GABBR2: variants seen among roughly 807,000 people sequenced by gnomAD.
The protein encoded by GABBR2 is gamma-aminobutyric acid type B receptor subunit 2, also known as G-protein coupled receptor 51.
A neutral mutation model predicts 105.6 loss-of-function variants in GABBR2; 23 were observed. The observed-to-expected ratio is 0.22, with a 90% CI of 0.16 to 0.31. GABBR2 has a LOEUF of 0.31. Among genes scored for constraint, GABBR2 ranks in the 10% least tolerant of loss-of-function variants. The pLI is 1.00. For missense variants in GABBR2, 734 were observed against 1,245.5 expected, an observed-to-expected ratio of 0.59 and a Z score of 6.18; for synonymous variants, 478 against 499.7, an observed-to-expected ratio of 0.96 and a Z score of 0.58.
At chr9:98,391,564 A>G (rs1302061847) in intron 9 of GABBR2, among the ~76,000 whole-genome samples, 3 of 152,216 alleles carry the variant, frequency 2.0e-5, no homozygotes. Flanking sequence ...TGCTACAGAA[A>G]GGAGGTGACG....
chr9:98,330,845 G>A (rs76290385), intron 13 of GABBR2, among the ~76,000 whole-genome samples: 90 of 152,230 alleles, frequency 5.9e-4, no homozygotes, highest in African/African-American at 2.1e-3. Context: ...AATTAGCACG[G>A]CTATCTCATA....
intron 1 of GABBR2, among the ~76,000 whole-genome samples, chr9:98,672,556 C>CT (rs1830420070): frequency 1.3e-5 from 2 of 152,266 alleles, no homozygotes; most frequent in Non-Finnish European, 2.9e-5. Context: ...GCCAGATGGG[C>CT]ACAGCATTCT....
chr9:98,386,849 C>T (rs957427867), intron 10 of GABBR2, among the ~76,000 whole-genome samples: 1 of 152,200 alleles, frequency 6.6e-6, no homozygotes, highest in African/African-American at 2.4e-5. Flanking sequence ...CTGTGAACTG[C>T]ACCCCGGCTT....
chr9:98,645,307 C>T (rs12380088), intron 1 of GABBR2, among the ~76,000 whole-genome samples: 2 of 152,150 alleles, frequency 1.3e-5, no homozygotes, highest in African/African-American at 4.8e-5. Context: ...AGCTGGGAGA[C>T]TAAAAGCATA....
intron 7 of GABBR2, among the ~76,000 whole-genome samples, chr9:98,408,185 G>C (rs1309841513): frequency 6.6e-6 from 1 of 152,186 alleles, no homozygotes; most frequent in Admixed American, 6.5e-5. Context: ...TCAACTCTCA[G>C]GTGATTTCAG....
At chr9:98,347,480 T>C (rs1245541558) in intron 13 of GABBR2, among the ~76,000 whole-genome samples, 1 of 152,222 alleles carries the variant, frequency 6.6e-6, no homozygotes, top group African/African-American at 2.4e-5. Flanking sequence ...TAGTCCCTTG[T>C]TGGATAAATA....
Position 98,447,063 on chromosome 9 carries a change from CTT to C in GABBR2, c.1236+6916_1236+6917del, listed in dbSNP as rs369338702. Among the ~76,000 whole-genome samples, 72 of 116,302 alleles carry C rather than the reference CTT, an allele frequency of 6.2e-4. 1 individual carries two copies. Among genetic ancestry groups the C allele is most frequent in the Middle Eastern group, 3.9e-3 (1 of 254 alleles). 76.3% of individuals were successfully genotyped at this position (116,302 alleles called of 152,430 possible). A position where few individuals can be genotyped will look rare whatever the true frequency, so the allele number is the denominator to read the frequency against. On this transcript the variant is annotated intron_variant, in intron 7 of 18. Coordinates refer to ENST00000259455, the MANE Select transcript of GABBR2 (RefSeq NM_005458.8). ...CCCAGATTCAACCTAAAAAAGACTTCTTTTTTTTTTTTTTTTGAGACGGAGTC... is the reference window on the plus strand; with the variant it reads ...CCCAGATTCAACCTAAAAAAGACTTCTTTTTTTTTTTTTTGAGACGGAGTC...
chr9:98,598,086 G>A (rs1829264039), intron 1 of GABBR2, among the ~76,000 whole-genome samples: 1 of 152,202 alleles, frequency 6.6e-6, no homozygotes, highest in Non-Finnish European at 1.5e-5. Flanking sequence ...GCCTCCCAAA[G>A]TGCTAGGATT....
At chr9:98,393,626 G>A (rs868409165) in intron 9 of GABBR2, among the ~76,000 whole-genome samples, 1 of 152,358 alleles carries the variant, frequency 6.6e-6, no homozygotes, top group South Asian at 2.1e-4. Flanking sequence ...GGGGCTCATA[G>A]CTGAATCACC....
chr9:98,580,703 G>C (rs1013607121), intron 1 of GABBR2, among the ~76,000 whole-genome samples: 1 of 152,128 alleles, frequency 6.6e-6, no homozygotes, highest in Non-Finnish European at 1.5e-5. Context: ...CAGGAGAATC[G>C]CTTGAACCTG....
At chr9:98,372,933 G>A (rs1276011103) in intron 11 of GABBR2, among the ~76,000 whole-genome samples, 1 of 151,946 alleles carries the variant, frequency 6.6e-6, no homozygotes, top group Non-Finnish European at 1.5e-5. Flanking sequence ...GGTACAGGTG[G>A]GTGCTTAGCC....
chr9:98,326,450 A>G (rs1430366501), intron 13 of GABBR2, among the ~76,000 whole-genome samples: 1 of 152,232 alleles, frequency 6.6e-6, no homozygotes, highest in African/African-American at 2.4e-5. Flanking sequence ...CCAACATCCC[A>G]TCTGCTCATG....
rs575095060 is a variant in GABBR2, at chr9:98,299,374, T to C, written c.2413-21A>G. The C allele has an allele frequency of 4.3e-5, 70 of 1,613,628 alleles. No individual in the cohort carries two copies. The South Asian group carries it at 6.9e-4, about 16-fold the overall frequency. ...TCCAGCTACAAGACAAAGGTTCCAG[T>C]TGAGTCAGGTCCCTGGCCCAGCCCT... On this transcript the variant is annotated intron_variant, in intron 16 of 18. Coordinates refer to ENST00000259455, the MANE Select transcript of GABBR2 (RefSeq NM_005458.8).
intron 1 of GABBR2, among the ~76,000 whole-genome samples, chr9:98,669,690 A>T (rs1179370167): frequency 6.6e-6 from 1 of 152,176 alleles, no homozygotes; most frequent in African/African-American, 2.4e-5. Context: ...GCAGAACATT[A>T]ATACCATAAG....
chr9:98,669,216 C>T (rs1830376422), intron 1 of GABBR2, among the ~76,000 whole-genome samples: 1 of 152,116 alleles, frequency 6.6e-6, no homozygotes, highest in African/African-American at 2.4e-5. Flanking sequence ...ATTTTGTTTG[C>T]TTCTGTGGTG....
At chr9:98,596,563 T>A (rs899123957) in intron 1 of GABBR2, among the ~76,000 whole-genome samples, 2 of 152,004 alleles carry the variant, frequency 1.3e-5, no homozygotes, top group Non-Finnish European at 2.9e-5. Context: ...CCAATTTTAT[T>A]CCTATAACAG....
rs750539598 is a variant in GABBR2, at chr9:98,380,486, C to T, written c.1662+5154G>A. 1.3e-3 allele frequency among the ~76,000 whole-genome samples: 194 copies of T among 152,330 alleles called. 1 individual carries two copies. Among genetic ancestry groups the T allele is most frequent in the Admixed American group, 2.4e-3 (36 of 15,298 alleles). ...CAGACAGGGGCTGGGATCCCAGAGC[C>T]GGGTCAGCTCAGCTGCCGGGGTCCA... On this transcript the variant is annotated intron_variant, in intron 11 of 18. Transcript: ENST00000259455.
chr9:98,401,777 C>T (rs1253868830), intron 8 of GABBR2, among the ~76,000 whole-genome samples: 1 of 152,176 alleles, frequency 6.6e-6, no homozygotes, highest in Non-Finnish European at 1.5e-5. Flanking sequence ...CTAGTAGGTT[C>T]TGGGAAATAA....
intron 1 of GABBR2, among the ~76,000 whole-genome samples, chr9:98,706,988 C>A (rs1830903608): frequency 1.3e-5 from 2 of 152,346 alleles, no homozygotes; most frequent in South Asian, 4.1e-4. Context: ...AGCTTGCATC[C>A]TCTGGGGCAG....
Sources: gnomAD v4.1 joint callset for allele counts (sites outside exome capture counted in the v4.1 genomes callset) on GRCh38, gnomAD v4.1.1 for gene constraint, MANE v1.5 for transcripts, NCBI Gene and HGNC (gene_info 2026-07-23, HGNC 2026-07-21) for gene names.